Variants in TMEM230 observed in about 807,000 individuals in gnomAD.
TMEM230 encodes the protein transmembrane protein 230.
A neutral mutation model predicts 15.8 loss-of-function variants in TMEM230; 10 were observed. The ratio of observed to expected loss-of-function variants is 0.63; its 90% CI spans 0.39 to 1.07. The LOEUF is 1.07. Among genes scored for constraint, TMEM230 ranks in the 50% least tolerant of loss-of-function variants. The pLI, the probability that TMEM230 is intolerant of heterozygous loss-of-function variation, is 0.01. For missense variants in TMEM230, 165 were observed against 193.3 expected (o/e 0.85, Z 0.87); for synonymous variants, 67 against 76.9 (o/e 0.87, Z 0.68).
At position 5,100,520 on chromosome 20, in the gene TMEM230, A is replaced by G. The variant is rs1451726306; in HGVS notation, c.*271T>C. The G allele has an allele frequency of 2.6e-6, 3 of 1,168,150 alleles. No homozygotes were observed. The East Asian group carries it at 1.4e-4, about 54-fold the overall frequency. The allele number at this position is 1,168,150 out of a possible 1,614,324, so 72.4% of individuals were successfully genotyped here. ...TCTACAGAGGGTGGTGGCAGGCAAC[A>G]CTTTTCCATTACAGAATAACCTCTA... On this transcript the variant is annotated 3_prime_UTR_variant, in exon 5 of 5. Coordinates refer to ENST00000342308, the MANE Select transcript of TMEM230 (RefSeq NM_001009923.2).
chr20:5,086,696 ATC>A (rs1203016623), intron 3 of TMEM230, among the ~76,000 whole-genome samples: 1 of 125,056 alleles, frequency 8.0e-6, no homozygotes, highest in Non-Finnish European at 1.7e-5. Flanking sequence ...ACAATTATTT[ATC>A]TTTTTATCTT....
chr20:5,092,484 G>A (rs1350252797), intron 3 of TMEM230, among the ~76,000 whole-genome samples: 1 of 152,142 alleles, frequency 6.6e-6, no homozygotes, highest in Non-Finnish European at 1.5e-5. Context: ...TTGGGAGGCC[G>A]ACGCAGGCGG....
At chr20:5,063,442 C>T (rs1469768445), downstream of TMEM230, among the ~76,000 whole-genome samples, 1 of 151,950 alleles carries the variant, frequency 6.6e-6, no homozygotes, top group Non-Finnish European at 1.5e-5. Flanking sequence ...GGTGCACCAC[C>T]GCACCTGGCT....
downstream of TMEM230, chr20:5,066,270 C>T (rs1349784800): frequency 1.3e-5 from 2 of 152,232 alleles, no homozygotes; most frequent in African/African-American, 2.4e-5. Context: ...AGGATGCTGC[C>T]TTCCTCTAAT....
chr20:5,079,215 C>T (rs2089102745), intron 3 of TMEM230, among the ~76,000 whole-genome samples: 1 of 152,118 alleles, frequency 6.6e-6, no homozygotes, highest in African/African-American at 2.4e-5. Context: ...CCTTGATCTC[C>T]TGGGTTCAAG....
intron 3 of TMEM230, among the ~76,000 whole-genome samples, chr20:5,085,271 G>C (rs569316744): frequency 6.6e-6 from 1 of 151,622 alleles, no homozygotes; most frequent in East Asian, 1.9e-4. Context: ...TCATGCTCCT[G>C]AATCTTTTTT....
the TMEM230 span, among the ~76,000 whole-genome samples, chr20:5,061,888 G>A: frequency 3.3e-5 from 5 of 152,114 alleles, no homozygotes; most frequent in Admixed American, 6.6e-5. Context: ...TTACAGATTA[G>A]TTTGGGAAGC....
At chr20:5,095,359 C>G (rs2089635930), downstream of TMEM230, among the ~76,000 whole-genome samples, 1 of 152,184 alleles carries the variant, frequency 6.6e-6, no homozygotes, top group South Asian at 2.1e-4. Context: ...TACACATCGT[C>G]CCCTTCCCTG....
Position 5,113,065 on chromosome 20 carries a change from G to A in TMEM230, c.-37C>T, listed in dbSNP as rs748928410. On this transcript the variant is annotated 5_prime_UTR_variant, in exon 1 of 5. Coordinates refer to ENST00000342308, the MANE Select transcript of TMEM230 (RefSeq NM_001009923.2). ...CTTAAGTGCCACTCAGCCGGCCCCA[G>A]GCGGGATCAGTGCGCCGGAAGTGGC... 9 of 1,540,032 alleles carry A rather than the reference G, an allele frequency of 5.8e-6. No homozygotes were observed. In the African/African-American group the frequency reaches 8.2e-5, roughly 14 times the overall value.
At chr20:5,082,545 A>C (rs2089212692) in intron 3 of TMEM230, among the ~76,000 whole-genome samples, 1 of 152,084 alleles carries the variant, frequency 6.6e-6, no homozygotes, top group Admixed American at 6.5e-5. Context: ...GGGCTCAAGC[A>C]ATCCTCCCTA....
downstream of TMEM230, among the ~76,000 whole-genome samples, chr20:5,099,505 A>G (rs1165364699): frequency 6.6e-6 from 1 of 151,104 alleles, no homozygotes; most frequent in Non-Finnish European, 1.5e-5. Context: ...TACTCACTCT[A>G]CTGGTGATCT....
chr20:5,060,153 C>T, the TMEM230 span, among the ~76,000 whole-genome samples: 1 of 152,100 alleles, frequency 6.6e-6, no homozygotes, highest in Admixed American at 6.6e-5. Context: ...CTCAAACAAT[C>T]CTCCCGCCTT....
chr20:5,111,781 C>T (rs1485770701), intron 1 of TMEM230: 2 of 982,186 alleles, frequency 2.0e-6, no homozygotes, highest in East Asian at 1.1e-4. Flanking sequence ...TTGTTAGATG[C>T]CAGCTGTTCT....
chr20:5,067,543 A>C (rs1011327254), downstream of TMEM230, among the ~76,000 whole-genome samples: 3 of 149,378 alleles, frequency 2.0e-5, no homozygotes, highest in African/African-American at 4.9e-5. Flanking sequence ...TCCTGGGTTC[A>C]AGCGATTCTC....
Position 5,109,469 on chromosome 20 carries a change from C to T in TMEM230, c.175-24G>A, listed in dbSNP as rs376813393. On this transcript the variant is annotated intron_variant, in intron 2 of 4. Coordinates refer to ENST00000342308, the MANE Select transcript of TMEM230 (RefSeq NM_001009923.2). ...AGCTACAGTTTAAAAACAAAAAACC[C>T]GTTATTGTCTGTAGATGACAATGGT... 92 of 1,568,496 alleles carry T rather than the reference C, an allele frequency of 5.9e-5. No homozygotes were observed. In the African/African-American group the frequency reaches 8.6e-4, roughly 15 times the overall value.
chr20:5,067,055 C>T (rs951545948), downstream of TMEM230, among the ~76,000 whole-genome samples: 3 of 152,044 alleles, frequency 2.0e-5, no homozygotes, highest in African/African-American at 2.4e-5. Context: ...AAGTGAGAAA[C>T]GGCGCAGGGC....
At chr20:5,103,106 G>A (rs1164398452) in intron 4 of TMEM230, among the ~76,000 whole-genome samples, 2 of 152,226 alleles carry the variant, frequency 1.3e-5, no homozygotes, top group Non-Finnish European at 2.9e-5. Flanking sequence ...GCTCACGCCT[G>A]TAATCCCAGT....
chr20:5,088,115 C>T lies in TMEM230; in HGVS notation c.222+18073G>A, dbSNP rs550070953. On this transcript the variant is annotated intron_variant, in intron 3 of 3. Transcript: ENST00000612323. ...CCTGAGGTCAGGAGTTTGAAACCAGCCTGGCCAACATGGTGAAACCCCATC... is the reference window on the plus strand; with the variant it reads ...CCTGAGGTCAGGAGTTTGAAACCAGTCTGGCCAACATGGTGAAACCCCATC... 2.2e-3 allele frequency among the ~76,000 whole-genome samples: 339 copies of T among 150,872 alleles called. 3 individuals are homozygous for T. The highest frequency in any genetic ancestry group is 7.8e-3 in the African/African-American group (324 of 41,276).
At chr20:5,069,623 A>G (rs984846546) in intron 3 of TMEM230, among the ~76,000 whole-genome samples, 3 of 152,116 alleles carry the variant, frequency 2.0e-5, no homozygotes, top group African/African-American at 7.2e-5. Flanking sequence ...AATGCATTTC[A>G]AGGGGTAGAG....
Sources: allele counts gnomAD v4.1 joint callset (sites outside exome capture counted in the v4.1 genomes callset), GRCh38; gene constraint gnomAD v4.1.1; transcripts MANE v1.5; gene names NCBI Gene and HGNC (gene_info 2026-07-23, HGNC 2026-07-21).